Variants in MSH3 observed in about 807,000 individuals in gnomAD.
MSH3 encodes mutS homolog 3.
MSH3 carries 106 observed loss-of-function variants against 123.3 expected under a neutral mutation model. The observed-to-expected ratio is 0.86, with a 90% confidence interval of 0.73 to 1.01. MSH3 has a LOEUF of 1.01. MSH3 is among the 50% of genes least tolerant of loss of function. The probability of loss-of-function intolerance (pLI) is 0.00; values close to 1 mark genes in which losing one functional copy is unlikely to be tolerated. For missense variants in MSH3, 1,459 were observed against 1,347.6 expected (o/e 1.08, Z -1.29); for synonymous variants, 515 against 481.4 (o/e 1.07, Z -0.91).
chr5:80,796,249 C>G, intron 19 of MSH3, among the ~76,000 whole-genome samples: 1 of 151,952 alleles, frequency 6.6e-6, no homozygotes, highest in Middle Eastern at 3.2e-3. Context: ...GTATGTTACA[C>G]TTTAATAAAG....
chr5:80,774,777 C>T (rs544295619), intron 15 of MSH3, among the ~76,000 whole-genome samples: 4 of 152,002 alleles, frequency 2.6e-5, no homozygotes, highest in East Asian at 1.9e-4. Flanking sequence ...GTTGAACTCA[C>T]GGAGATACAG....
intron 20 of MSH3, among the ~76,000 whole-genome samples, chr5:80,818,402 C>CAAAAAAA (rs71603566): frequency 1.1e-4 from 7 of 63,800 alleles, no homozygotes; most frequent in African/African-American, 1.3e-4. Context: ...ATAGCAATGA[C>CAAAAAAA]AAAAAAAAAA....
In MSH3 at chr5:80,672,413, G is replaced by C. The variant is rs79682651; in HGVS notation, c.909+53G>C. The C allele has an allele frequency of 3.0e-6, 4 of 1,319,840 alleles. No individual in the cohort carries two copies. In the South Asian group the frequency reaches 4.7e-5, roughly 16 times the overall value. 81.8% of individuals were successfully genotyped at this position (1,319,840 alleles called of 1,614,324 possible). ...AAGGAAATTGGGATTCTCCTCCAGA[G>C]AGTGCAAACGTGTTTTGTAAGGTGG... On this transcript the variant is annotated intron_variant, in intron 5 of 23. Coordinates refer to ENST00000265081, the MANE Select transcript of MSH3 (RefSeq NM_002439.5).
intron 19 of MSH3, 138 bp from the exon 20 acceptor site, chr5:80,813,446 C>A: frequency 1.2e-6 from 1 of 840,862 alleles, no homozygotes; most frequent in Non-Finnish European, 1.9e-6. Context: ...AGGTTGAAGA[C>A]AGAGGACCGC....
At chr5:80,684,292 A>G (rs1580559812) in intron 8 of MSH3, among the ~76,000 whole-genome samples, 2 of 152,200 alleles carry the variant, frequency 1.3e-5, no homozygotes, top group South Asian at 4.1e-4. Flanking sequence ...TGTTTGAACT[A>G]TTCTTCCAAT....
In MSH3 at chr5:80,679,197, AATT is replaced by A. The variant is rs1050759447; in HGVS notation, c.1340+107_1340+109del. The A allele has an allele frequency of 9.6e-6, 12 of 1,251,436 alleles. No individual in the cohort carries two copies. In the African/African-American group the frequency reaches 1.8e-4, roughly 19 times the overall value. 77.5% of individuals were successfully genotyped at this position (1,251,436 alleles called of 1,614,324 possible). A position where few individuals can be genotyped will look rare whatever the true frequency, so the allele number is the denominator to read the frequency against. On this transcript the variant is annotated intron_variant, in intron 8 of 23. Transcript: ENST00000265081. Reference sequence around the variant, plus strand: ...GCTAAAAATAGTTTTTACTTACAAAAATTATATTTCCACTGTAGTAGTGGAAAT... The same window carrying A: ...GCTAAAAATAGTTTTTACTTACAAAAATATTTCCACTGTAGTAGTGGAAAT...
intron 3 of MSH3, 39 bp downstream of exon 3, chr5:80,665,402 A>G (rs1163434613): frequency 1.3e-6 from 2 of 1,484,488 alleles, no homozygotes; most frequent in East Asian, 2.3e-5. Context: ...GTTACCTAGA[A>G]TAGTGGGTTC....
At chr5:80,837,807 G>C (rs1311075531) in intron 20 of MSH3, among the ~76,000 whole-genome samples, 2 of 152,198 alleles carry the variant, frequency 1.3e-5, no homozygotes, top group Non-Finnish European at 2.9e-5. Context: ...AGGGTTGTGT[G>C]AGGCTGTGGT....
chr5:80,763,601 A>G (rs930231928), intron 13 of MSH3, among the ~76,000 whole-genome samples: 1 of 152,220 alleles, frequency 6.6e-6, no homozygotes, highest in Non-Finnish European at 1.5e-5. Flanking sequence ...TGCCTTAACT[A>G]CTTCAAAGGA....
Position 80,762,790 on chromosome 5 carries a change from T to TTATG in MSH3, c.1896+1113_1896+1114insATGT, listed in dbSNP as rs1744061014. Reference sequence around the variant, plus strand: ...ATTTTATTTTAATTTTTTATTTTATTTTATGTTATGTTATGTTATGTTATG... The same window carrying TTATG: ...ATTTTATTTTAATTTTTTATTTTATTTATGTTATGTTATGTTATGTTATGTTATG... On this transcript the variant is annotated intron_variant, in intron 13 of 23. Coordinates refer to ENST00000265081, the MANE Select transcript of MSH3 (RefSeq NM_002439.5). Among the ~76,000 whole-genome samples, 108 of 132,986 alleles carry TTATG rather than the reference T, an allele frequency of 8.1e-4. No homozygotes were observed. In the Middle Eastern group the frequency reaches 0.011, roughly 13 times the overall value. 87.2% of individuals were successfully genotyped at this position (132,986 alleles called of 152,430 possible).
rs567617477 is a variant in MSH3, at chr5:80,789,471, A to G, written c.2543+1799A>G. ...CTGCAACCTCTGCCTCCCAGGTTCAAGGGATTCTCCTGCCTCAGCCCCCTG... is the reference window on the plus strand; with the variant it reads ...CTGCAACCTCTGCCTCCCAGGTTCAGGGGATTCTCCTGCCTCAGCCCCCTG... On this transcript the variant is annotated intron_variant, in intron 18 of 23. Transcript: ENST00000265081. 5.5e-4 allele frequency among the ~76,000 whole-genome samples: 84 copies of G among 151,946 alleles called. No individual in the cohort carries two copies. In the South Asian group the frequency reaches 6.6e-3, roughly 12 times the overall value.
intron 20 of MSH3, among the ~76,000 whole-genome samples, chr5:80,841,057 C>G (rs1337508984): frequency 6.7e-6 from 1 of 149,852 alleles, no homozygotes; most frequent in Non-Finnish European, 1.5e-5. Context: ...CCTCCCCACT[C>G]CCCCCACCCC....
intron 20 of MSH3, among the ~76,000 whole-genome samples, chr5:80,813,987 C>G (rs1473395551): frequency 6.6e-6 from 1 of 151,732 alleles, no homozygotes; most frequent in Non-Finnish European, 1.5e-5. Flanking sequence ...ATGGCAAAAC[C>G]CCATCTTGAC....
At chr5:80,671,954 G>A (rs1357010723) in intron 4 of MSH3, among the ~76,000 whole-genome samples, 1 of 152,132 alleles carries the variant, frequency 6.6e-6, no homozygotes, top group Non-Finnish European at 1.5e-5. Context: ...GATAGTCTTT[G>A]TGTAGGGAAA....
chr5:80,843,637 G>C (rs1745666571), intron 20 of MSH3, among the ~76,000 whole-genome samples: 1 of 152,176 alleles, frequency 6.6e-6, no homozygotes, highest in South Asian at 2.1e-4. Flanking sequence ...TCTTGGCATG[G>C]AGTATATGTC....
intron 20 of MSH3, among the ~76,000 whole-genome samples, chr5:80,830,899 A>T (rs189009480): frequency 6.6e-6 from 1 of 152,324 alleles, no homozygotes; most frequent in East Asian, 1.9e-4. Flanking sequence ...TTATATGTGC[A>T]GTTTAGTATT....
intron 20 of MSH3, among the ~76,000 whole-genome samples, chr5:80,842,566 T>A (rs577612083): frequency 6.6e-6 from 1 of 152,354 alleles, no homozygotes; most frequent in Non-Finnish European, 1.5e-5. Flanking sequence ...CATTTGTTTG[T>A]GTCCTCTTTT....
chr5:80,831,353 A>G (rs1745414044), intron 20 of MSH3, among the ~76,000 whole-genome samples: 1 of 152,184 alleles, frequency 6.6e-6, no homozygotes, highest in Non-Finnish European at 1.5e-5. Flanking sequence ...TTGTAATTCC[A>G]CCACCTGGAG....
intron 20 of MSH3, among the ~76,000 whole-genome samples, chr5:80,824,339 C>A (rs1353873147): frequency 1.3e-5 from 2 of 151,846 alleles, no homozygotes; most frequent in East Asian, 3.9e-4. Context: ...ACCTCCCTCC[C>A]GGACGGGGCG....
Sources: allele counts gnomAD v4.1 joint callset (sites outside exome capture counted in the v4.1 genomes callset), GRCh38; gene constraint gnomAD v4.1.1; transcripts MANE v1.5; gene names NCBI Gene and HGNC (gene_info 2026-07-23, HGNC 2026-07-21).